The following ZNF385D variants were observed in gnomAD, a reference collection of about 807,000 sequenced individuals.
ZNF385D encodes zinc finger protein 385D, also known as zinc finger protein 659.
ZNF385D carries 15 observed loss-of-function variants against 35.8 expected under a neutral mutation model. The ratio of observed to expected loss-of-function variants is 0.42; its 90% CI spans 0.28 to 0.64. The LOEUF (loss-of-function observed/expected upper bound fraction) is 0.64, where lower values mean the gene tolerates loss of function less well. Among genes scored for constraint, ZNF385D ranks in the 30% least tolerant of loss-of-function variants. The probability of loss-of-function intolerance (pLI) is 0.23; values close to 1 mark genes in which losing one functional copy is unlikely to be tolerated. For synonymous variants in ZNF385D, 212 were observed against 186.8 expected, an observed-to-expected ratio of 1.13 and a Z score of -1.10; for missense variants, 474 against 494.6, an observed-to-expected ratio of 0.96 and a Z score of 0.39.
intron 4 of ZNF385D, among the ~76,000 whole-genome samples, chr3:21,443,934 CA>C (rs2125254154): frequency 6.6e-6 from 1 of 152,290 alleles, no homozygotes; most frequent in Admixed American, 6.5e-5. Flanking sequence ...ATTACATCAA[CA>C]ATAGATTCAT....
chr3:21,980,856 A>G (rs753426126), intron 3 of ZNF385D, among the ~76,000 whole-genome samples: 1 of 152,140 alleles, frequency 6.6e-6, no homozygotes, highest in Non-Finnish European at 1.5e-5. Context: ...TAAGGATAAT[A>G]GCCTCCAGTT....
intron 2 of ZNF385D, among the ~76,000 whole-genome samples, chr3:22,224,758 C>A (rs1698455888): frequency 6.6e-6 from 1 of 152,156 alleles, no homozygotes; most frequent in South Asian, 2.1e-4. Context: ...GACACCAATT[C>A]CAGAAGGTTG....
intron 1 of ZNF385D, among the ~76,000 whole-genome samples, chr3:21,717,358 T>C (rs2068364229): frequency 6.6e-6 from 1 of 152,160 alleles, no homozygotes; most frequent in Non-Finnish European, 1.5e-5. Context: ...TCTTAAATTT[T>C]CAAACTTACA....
At chr3:21,811,699 C>G (rs913386673) in intron 3 of ZNF385D, among the ~76,000 whole-genome samples, 6 of 152,076 alleles carry the variant, frequency 3.9e-5, no homozygotes, top group Non-Finnish European at 7.4e-5. Context: ...ATTATCAAAT[C>G]AAACACTTGA....
At chr3:21,507,129 G>T (rs1706827438) in intron 4 of ZNF385D, among the ~76,000 whole-genome samples, 1 of 152,042 alleles carries the variant, frequency 6.6e-6, no homozygotes, top group African/African-American at 2.4e-5. Flanking sequence ...AATCAAAATT[G>T]TCTTTATATC....
intron 4 of ZNF385D, among the ~76,000 whole-genome samples, chr3:21,481,134 T>C (rs1261426465): frequency 1.3e-5 from 2 of 152,130 alleles, no homozygotes; most frequent in African/African-American, 4.8e-5. Context: ...AGCAACATGA[T>C]TAAGATTTCT....
chr3:21,581,626 T>C (rs1010973613), intron 2 of ZNF385D, among the ~76,000 whole-genome samples: 2 of 152,228 alleles, frequency 1.3e-5, no homozygotes, highest in African/African-American at 2.4e-5. Context: ...GTCCAAGATA[T>C]AATTCTTGGT....
intron 2 of ZNF385D, among the ~76,000 whole-genome samples, chr3:21,590,329 G>GAT (rs1418400117): frequency 3.9e-5 from 6 of 152,088 alleles, no homozygotes; most frequent in African/African-American, 1.4e-4. Context: ...GAGGCAAGGG[G>GAT]ATATGACCAG....
intron 3 of ZNF385D, among the ~76,000 whole-genome samples, chr3:21,989,235 C>A (rs1167532806): frequency 2.6e-5 from 4 of 152,146 alleles, no homozygotes; most frequent in Non-Finnish European, 5.9e-5. Flanking sequence ...GTGGTTTAAC[C>A]TTACATATCA....
Position 22,174,282 on chromosome 3 carries a change from T to C in ZNF385D, c.107-5247A>G, listed in dbSNP as rs181693992. 1.4e-3 allele frequency among the ~76,000 whole-genome samples: 220 copies of C among 152,270 alleles called. 2 individuals are homozygous for C. The highest frequency in any genetic ancestry group is 5.2e-3 in the African/African-American group (215 of 41,550). On this transcript the variant is annotated intron_variant, in intron 2 of 5. Transcript: ENST00000494108. Reference sequence around the variant, plus strand: ...CCAGGTTACATCGTTTTGTCTATGATTGCCTTTAGTCACTGTTCTTGCATC... The same window carrying C: ...CCAGGTTACATCGTTTTGTCTATGACTGCCTTTAGTCACTGTTCTTGCATC...
intron 2 of ZNF385D, among the ~76,000 whole-genome samples, chr3:21,597,657 G>C (rs759086290): frequency 1.1e-4 from 17 of 151,130 alleles, no homozygotes; most frequent in Non-Finnish European, 2.4e-4. Flanking sequence ...AAAATAGATG[G>C]AATGTAAAAG....
At chr3:22,267,150 G>T (rs1238999208) in intron 2 of ZNF385D, among the ~76,000 whole-genome samples, 1 of 151,892 alleles carries the variant, frequency 6.6e-6, no homozygotes, top group Non-Finnish European at 1.5e-5. Context: ...GGAATAATCT[G>T]AAAGAGTTCA....
chr3:21,654,973 A>G (rs2066029934), intron 2 of ZNF385D, among the ~76,000 whole-genome samples: 1 of 152,084 alleles, frequency 6.6e-6, no homozygotes, highest in African/African-American at 2.4e-5. Context: ...TACTCAAGTG[A>G]TAGTCTGAGA....
chr3:22,191,436 G>A (rs1457098424), intron 2 of ZNF385D, among the ~76,000 whole-genome samples: 2 of 150,406 alleles, frequency 1.3e-5, no homozygotes, highest in East Asian at 3.9e-4. Context: ...GCAGTGAGCC[G>A]AGATAGTACC....
intron 3 of ZNF385D, among the ~76,000 whole-genome samples, chr3:22,105,345 C>A (rs1238792357): frequency 6.6e-6 from 1 of 150,868 alleles, no homozygotes; most frequent in East Asian, 2.0e-4. Flanking sequence ...AGTCAGGACT[C>A]ACTAGATAAA....
chr3:21,889,219 G>C (rs773098929), intron 3 of ZNF385D, among the ~76,000 whole-genome samples: 2 of 152,140 alleles, frequency 1.3e-5, no homozygotes, highest in African/African-American at 4.8e-5. Flanking sequence ...CATATTAAAG[G>C]TCTTTGTTTC....
At chr3:21,637,143 C>G (rs1483667964) in intron 2 of ZNF385D, among the ~76,000 whole-genome samples, 1 of 151,986 alleles carries the variant, frequency 6.6e-6, no homozygotes, top group East Asian at 1.9e-4. Flanking sequence ...GTTGCATTTG[C>G]TTTTGGGTTC....
At chr3:22,324,438 G>A (rs1451006937) in intron 2 of ZNF385D, among the ~76,000 whole-genome samples, 2 of 151,986 alleles carry the variant, frequency 1.3e-5, no homozygotes, top group Non-Finnish European at 2.9e-5. Context: ...TACATAAATA[G>A]TATTTAGAAT....
intron 2 of ZNF385D, among the ~76,000 whole-genome samples, chr3:22,262,664 T>G (rs1700695537): frequency 6.6e-6 from 1 of 152,000 alleles, no homozygotes; most frequent in Admixed American, 6.6e-5. Flanking sequence ...GCAAAAATAT[T>G]GGTTCACTCA....
Sources: allele counts gnomAD v4.1 joint callset (sites outside exome capture counted in the v4.1 genomes callset), GRCh38; gene constraint gnomAD v4.1.1; transcripts MANE v1.5; gene names NCBI Gene and HGNC (gene_info 2026-07-23, HGNC 2026-07-21).